Variants in TAFA2 observed in about 807,000 individuals in gnomAD.
The protein encoded by TAFA2 is TAFA chemokine like family member 2, also known as chemokine-like protein TAFA-2.
Under a neutral mutation model 18.8 loss-of-function variants are expected in TAFA2, and 7 were observed. The ratio of observed to expected loss-of-function variants is 0.37; its 90% CI spans 0.21 to 0.70. The LOEUF (loss-of-function observed/expected upper bound fraction) is 0.70. Ranked by LOEUF, TAFA2 falls within the 30% of genes least tolerant of loss-of-function variation. The pLI, the probability that TAFA2 is intolerant of heterozygous loss-of-function variation, is 0.53. For missense variants in TAFA2, 122 were observed against 158.1 expected (o/e 0.77, Z 1.23); for synonymous variants, 60 against 54.2 (o/e 1.11, Z -0.47).
intron 2 of TAFA2, among the ~76,000 whole-genome samples, chr12:61,826,852 T>C (rs185948947): frequency 9.2e-5 from 14 of 152,044 alleles, no homozygotes; most frequent in African/African-American, 2.9e-4. Context: ...TGTAAGAAAA[T>C]GACAGAAGAT....
chr12:61,990,175 C>G (rs548608052), intron 1 of TAFA2, among the ~76,000 whole-genome samples: 2 of 152,124 alleles, frequency 1.3e-5, no homozygotes, highest in African/African-American at 4.8e-5. Context: ...TTCAAGACAG[C>G]TGCAGTATAA....
chr12:62,187,197 C>A (rs1263016183), intron 1 of TAFA2, among the ~76,000 whole-genome samples: 3 of 152,114 alleles, frequency 2.0e-5, no homozygotes, highest in Non-Finnish European at 4.4e-5. Flanking sequence ...TAAAAACATC[C>A]ACAGTGTCTC....
chr12:62,044,241 C>A (rs540510199), intron 1 of TAFA2, among the ~76,000 whole-genome samples: 1 of 152,108 alleles, frequency 6.6e-6, no homozygotes, highest in South Asian at 2.1e-4. Context: ...TTGCCGAAAG[C>A]TTTTTAGTTC....
chr12:62,204,555 T>C (rs936624288), intron 1 of TAFA2, among the ~76,000 whole-genome samples: 1 of 152,196 alleles, frequency 6.6e-6, no homozygotes, highest in African/African-American at 2.4e-5. Context: ...TAATATTGTC[T>C]GCCTGTGTTA....
At chr12:61,886,872 T>C (rs1432717562) in intron 1 of TAFA2, among the ~76,000 whole-genome samples, 1 of 152,222 alleles carries the variant, frequency 6.6e-6, no homozygotes, top group Non-Finnish European at 1.5e-5. Flanking sequence ...AGTGGGAAAC[T>C]TGGGAACCAG....
chr12:61,978,449 A>C (rs1347089126), intron 1 of TAFA2, among the ~76,000 whole-genome samples: 1 of 152,074 alleles, frequency 6.6e-6, no homozygotes, highest in Non-Finnish European at 1.5e-5. Context: ...AATGTATTTT[A>C]AAGTTTAAAA....
intron 2 of TAFA2, among the ~76,000 whole-genome samples, chr12:61,839,029 T>C (rs1027286301): frequency 2.0e-5 from 3 of 152,018 alleles, no homozygotes; most frequent in Admixed American, 1.3e-4. Context: ...TAGACATGAA[T>C]AGAAAGTGCG....
intron 1 of TAFA2, among the ~76,000 whole-genome samples, chr12:62,227,555 T>C (rs1020218885): frequency 2.0e-5 from 3 of 152,238 alleles, no homozygotes; most frequent in African/African-American, 7.2e-5. Context: ...GAGCAATATT[T>C]CCTCCCATTC....
chr12:62,082,945 C>T (rs889034850), intron 1 of TAFA2, among the ~76,000 whole-genome samples: 13 of 152,076 alleles, frequency 8.5e-5, no homozygotes, highest in African/African-American at 3.1e-4. Context: ...CTTGCAACAT[C>T]CCTTTGAGAG....
chr12:62,231,240 T>C (rs1298030773), intron 1 of TAFA2, among the ~76,000 whole-genome samples: 1 of 152,240 alleles, frequency 6.6e-6, no homozygotes, highest in Non-Finnish European at 1.5e-5. Flanking sequence ...TTGCTTTATA[T>C]ATTCTATAAT....
At chr12:62,136,529 G>A (rs1271019599) in intron 1 of TAFA2, among the ~76,000 whole-genome samples, 1 of 152,170 alleles carries the variant, frequency 6.6e-6, no homozygotes, top group African/African-American at 2.4e-5. Context: ...TCACTGCACA[G>A]AAAAAATGAG....
At chr12:62,136,367 T>A (rs1379544095) in intron 1 of TAFA2, among the ~76,000 whole-genome samples, 3 of 152,126 alleles carry the variant, frequency 2.0e-5, no homozygotes, top group Non-Finnish European at 4.4e-5. Context: ...GTTTTTGTCT[T>A]CTTTATGATT....
Position 62,238,312 on chromosome 12 carries a change from CTA to C in TAFA2, c.-130+20449_-130+20450del, listed in dbSNP as rs376115092. Among the ~76,000 whole-genome samples the C allele has an allele frequency of 6.3e-3, 954 of 152,306 alleles. 9 individuals are homozygous for C. Among genetic ancestry groups the C allele is most frequent in the African/African-American group, 0.021 (891 of 41,562 alleles). ...AATTTAAATTCTAGGATACTGCTGG[CTA>C]TAATCTTGGCACCAGATATTTGTTT... On this transcript the variant is annotated intron_variant, in intron 1 of 5. Transcript: ENST00000551619.
chr12:62,015,884 C>A (rs973734772), intron 1 of TAFA2, among the ~76,000 whole-genome samples: 1 of 151,984 alleles, frequency 6.6e-6, no homozygotes, highest in African/African-American at 2.4e-5. Flanking sequence ...TTGCCAGGGG[C>A]TAGAGGGATA....
intron 1 of TAFA2, among the ~76,000 whole-genome samples, chr12:62,165,648 G>T (rs1318603872): frequency 6.6e-6 from 1 of 152,002 alleles, no homozygotes; most frequent in East Asian, 1.9e-4. Context: ...AAACCATAGA[G>T]ATATCTCTGT....
At chr12:61,836,936 T>C (rs1872958504) in intron 2 of TAFA2, among the ~76,000 whole-genome samples, 1 of 151,380 alleles carries the variant, frequency 6.6e-6, no homozygotes, top group South Asian at 2.1e-4. Flanking sequence ...GCTATTATTT[T>C]ATTATCTGTC....
chr12:62,007,092 C>T (rs111571031), intron 1 of TAFA2, among the ~76,000 whole-genome samples: 1 of 152,102 alleles, frequency 6.6e-6, no homozygotes, highest in Non-Finnish European at 1.5e-5. Context: ...ACCTCTCTAC[C>T]ATTCTTCCTG....
chr12:61,851,774 C>CAAAAAAAAAAAAAAAAAAAAAAA, intron 2 of TAFA2, among the ~76,000 whole-genome samples: 1 of 14,502 alleles, frequency 6.9e-5, no homozygotes, highest in Non-Finnish European at 1.7e-4. Context: ...GACTCCATCT[C>CAAAAAAAAAAAAAAAAAAAAAAA]AAAAAAAAAA....
At chr12:61,974,383 C>A (rs192735701) in intron 1 of TAFA2, among the ~76,000 whole-genome samples, 2 of 151,798 alleles carry the variant, frequency 1.3e-5, no homozygotes, top group Admixed American at 6.6e-5. Context: ...TTTCTGGCCA[C>A]TTTTTGGTCC....
Sources: allele counts gnomAD v4.1 joint callset (sites outside exome capture counted in the v4.1 genomes callset), GRCh38; gene constraint gnomAD v4.1.1; transcripts MANE v1.5; gene names NCBI Gene and HGNC (gene_info 2026-07-23, HGNC 2026-07-21).